The following MEGF6 variants were observed in gnomAD, a reference collection of about 807,000 sequenced individuals.
MEGF6 encodes the protein multiple epidermal growth factor-like domains protein 6.
Under a neutral mutation model 207.1 loss-of-function variants are expected in MEGF6, and 184 were observed. The observed-to-expected ratio is 0.89, with a 90% CI of 0.79 to 1.00. The LOEUF is 1.00. Ranked by LOEUF, MEGF6 falls within the 50% of genes least tolerant of loss-of-function variation. The pLI, the probability that MEGF6 is intolerant of heterozygous loss-of-function variation, is 0.00. For missense variants in MEGF6, 2,282 were observed against 2,202.9 expected, an observed-to-expected ratio of 1.04 and a Z score of -0.72; for synonymous variants, 1,038 against 910.0, an observed-to-expected ratio of 1.14 and a Z score of -2.53.
chr1:3,586,622 G>A (rs1406354007), intron 3 of MEGF6, among the ~76,000 whole-genome samples: 2 of 152,196 alleles, frequency 1.3e-5, no homozygotes, highest in Non-Finnish European at 2.9e-5. Flanking sequence ...CAGAGCCTGG[G>A]GGGCCAGCTC....
intron 4 of MEGF6, among the ~76,000 whole-genome samples, chr1:3,549,828 C>T (rs981351405): frequency 1.3e-5 from 2 of 152,224 alleles, no homozygotes; most frequent in African/African-American, 2.4e-5. Flanking sequence ...AGCCCAGCTA[C>T]GTGGGCACCA....
chr1:3,585,666 G>A (rs765994445), intron 3 of MEGF6, among the ~76,000 whole-genome samples: 3 of 147,606 alleles, frequency 2.0e-5, no homozygotes, highest in Non-Finnish European at 4.5e-5. Context: ...GTGTGGGTGT[G>A]TGGATGCATG....
At chr1:3,571,908 G>C (rs1394935787) in intron 4 of MEGF6, among the ~76,000 whole-genome samples, 6 of 143,236 alleles carry the variant, frequency 4.2e-5, no homozygotes, top group Non-Finnish European at 9.1e-5. Context: ...TCCTGGGTGT[G>C]CTGGGTCCTT....
In MEGF6 at chr1:3,611,476, T is replaced by G. The variant is rs1644325971; in HGVS notation, c.-208A>C. ...GGAGACCTGATCGCCGGGTCCACCC[T>G]GCAGGAACTCGCCCCGGCGCGTTGA... On this transcript the variant is annotated 5_prime_UTR_variant, in exon 1 of 37. Transcript: ENST00000356575. The G allele has an allele frequency of 3.4e-6, 2 of 594,638 alleles. No homozygotes were observed. Among genetic ancestry groups the G allele is most frequent in the Non-Finnish European group, 5.1e-6 (2 of 390,108 alleles). 36.8% of individuals were successfully genotyped at this position (594,638 alleles called of 1,614,324 possible). A position where few individuals can be genotyped will look rare whatever the true frequency, so the allele number is the denominator to read the frequency against.
intron 4 of MEGF6, among the ~76,000 whole-genome samples, chr1:3,558,397 G>A (rs986577026): frequency 6.6e-6 from 1 of 152,162 alleles, no homozygotes; most frequent in Non-Finnish European, 1.5e-5. Context: ...CATTTTAGGA[G>A]GCCAAGGCAG....
chr1:3,598,896 T>C (rs1226925461), intron 2 of MEGF6, among the ~76,000 whole-genome samples: 1 of 152,002 alleles, frequency 6.6e-6, no homozygotes, highest in African/African-American at 2.4e-5. Context: ...GGGAGCCCCT[T>C]TATTCAAAGG....
At chr1:3,524,096 C>T in intron 5 of MEGF6, 28 bp downstream of exon 5, 1 of 1,606,436 alleles carries the variant, frequency 6.2e-7, no homozygotes, top group South Asian at 1.1e-5. Flanking sequence ...AGCCAGGAGC[C>T]CAGGCAGGGT....
At chr1:3,583,357 CG>C (rs1643847969) in intron 3 of MEGF6, among the ~76,000 whole-genome samples, 1 of 127,808 alleles carries the variant, frequency 7.8e-6, no homozygotes, top group Non-Finnish European at 1.6e-5. Context: ...CACCAGACAA[CG>C]CGCAGCCACC....
At chr1:3,576,208 G>A (rs181280020) in intron 4 of MEGF6, among the ~76,000 whole-genome samples, 7 of 152,350 alleles carry the variant, frequency 4.6e-5, no homozygotes, top group Non-Finnish European at 1.0e-4. Flanking sequence ...AGACAGGCCC[G>A]CTTTGTGCTC....
chr1:3,583,376 CCACAGCCACCAGACAACG>C (rs1643848920), intron 3 of MEGF6, among the ~76,000 whole-genome samples: 72 of 37,604 alleles, frequency 1.9e-3, no homozygotes, highest in South Asian at 2.6e-3. Flanking sequence ...ACCAGACAAC[CCACAGCCACCAGACAACG>C]CGCAGCCACC....
chr1:3,561,488 C>T (rs747832163), intron 4 of MEGF6, among the ~76,000 whole-genome samples: 1 of 152,232 alleles, frequency 6.6e-6, no homozygotes, highest in African/African-American at 2.4e-5. Flanking sequence ...AACGCCCTCA[C>T]CATCACTGCT....
At chr1:3,511,118 C>T (rs909271923) in intron 9 of MEGF6, among the ~76,000 whole-genome samples, 6 of 152,256 alleles carry the variant, frequency 3.9e-5, no homozygotes, top group South Asian at 2.1e-4. Context: ...TTCCTGGTCC[C>T]GCATATGTGC....
chr1:3,495,935 T>C lies in MEGF6; in HGVS notation c.3826A>G (p.Thr1276Ala). 1.3e-6 allele frequency: 2 copies of C among 1,594,582 alleles called. No individual in the cohort carries two copies. Among genetic ancestry groups the C allele is most frequent in the African/African-American group, 2.7e-5 (2 of 74,924 alleles). The change falls in exon 30 of 37, where the codon ACC becomes GCC. Residue 1276 changes from threonine to alanine, a missense_variant. Coordinates refer to ENST00000356575, the MANE Select transcript of MEGF6 (RefSeq NM_001409.4). ...GCTCTCCCCGGGGGGCAGAGGCAGG[T>C]GCCGGTCACAGGGTCGCAGGCCGCC... ...QGAACDPVTG[T>A]CLCPPGRAGV...
At chr1:3,523,223 C>A (rs796233370) in intron 5 of MEGF6, among the ~76,000 whole-genome samples, 11 of 152,310 alleles carry the variant, frequency 7.2e-5, no homozygotes, top group African/African-American at 2.6e-4. Context: ...GAGAATGACC[C>A]CCCATGCCTC....
At chr1:3,574,612 G>A (rs1485001188) in intron 4 of MEGF6, among the ~76,000 whole-genome samples, 2 of 151,872 alleles carry the variant, frequency 1.3e-5, no homozygotes, top group African/African-American at 4.9e-5. Context: ...GGCCCAAAAG[G>A]GAATCAGAGC....
chr1:3,574,365 C>T (rs1394625457), intron 4 of MEGF6, among the ~76,000 whole-genome samples: 2 of 152,178 alleles, frequency 1.3e-5, no homozygotes, highest in Admixed American at 1.3e-4. Context: ...GCTCCTGTCT[C>T]TGTCCTGTCT....
chr1:3,498,813 G>A lies in MEGF6; in HGVS notation c.3108C>T (p.Gly1036=). Reference sequence around the variant, plus strand: ...AATGCCGACAGTTGTCGCCGTACAGGCCGGCAGGGCAGGCTGGGGCCAGGG... The same window carrying A: ...AATGCCGACAGTTGTCGCCGTACAGACCGGCAGGGCAGGCTGGGGCCAGGG... The part of the protein sequence containing the change: ...GPSCLQACPA[G]LYGDNCRHSC... Residue 1036 remains glycine (G), a synonymous_variant, in exon 25 of 37, where the codon GGC becomes GGT. Coordinates refer to ENST00000356575, the MANE Select transcript of MEGF6 (RefSeq NM_001409.4). 6.4e-7 allele frequency: 1 copy of A among 1,553,220 alleles called. No individual in the cohort carries two copies. Among genetic ancestry groups the A allele is most frequent in the Non-Finnish European group, 8.7e-7 (1 of 1,148,786 alleles).
intron 3 of MEGF6, among the ~76,000 whole-genome samples, chr1:3,593,803 C>A (rs1644017447): frequency 1.3e-5 from 2 of 151,570 alleles, no homozygotes; most frequent in African/African-American, 2.4e-5. Context: ...GGGGCTGGGA[C>A]CCCCTCCGAG....
At chr1:3,521,463 C>A (rs928273368) in intron 5 of MEGF6, among the ~76,000 whole-genome samples, 2 of 152,198 alleles carry the variant, frequency 1.3e-5, no homozygotes, top group Non-Finnish European at 2.9e-5. Context: ...CAGGGCAGCC[C>A]TTGGCCAGGA....
Sources: allele counts gnomAD v4.1 joint callset (sites outside exome capture counted in the v4.1 genomes callset), GRCh38; gene constraint gnomAD v4.1.1; transcripts MANE v1.5; gene names NCBI Gene and HGNC (gene_info 2026-07-23, HGNC 2026-07-21).